The following SEMA3A variants were observed in gnomAD, a reference collection of about 807,000 sequenced individuals.
SEMA3A encodes semaphorin-3A.
SEMA3A carries 29 observed loss-of-function variants against 97.9 expected under a neutral mutation model. The ratio of observed to expected loss-of-function variants is 0.30; its 90% CI spans 0.22 to 0.40. The LOEUF (loss-of-function observed/expected upper bound fraction) is 0.40, where lower values mean the gene tolerates loss of function less well. SEMA3A is among the 10% of genes least tolerant of loss of function. The probability of loss-of-function intolerance (pLI) is 1.00; values close to 1 mark genes in which losing one functional copy is unlikely to be tolerated. For synonymous variants in SEMA3A, 321 were observed against 323.7 expected (o/e 0.99, Z 0.09); for missense variants, 763 against 951.3 (o/e 0.80, Z 2.60).
chr7:84,056,245 TTCTA>T (rs1792971161), intron 5 of SEMA3A, among the ~76,000 whole-genome samples: 1 of 152,208 alleles, frequency 6.6e-6, no homozygotes, highest in South Asian at 2.1e-4. Context: ...TGAACTGCAT[TTCTA>T]TTATGGCTTA....
chr7:84,331,789 C>A (rs60164110), intron 2 of SEMA3A, among the ~76,000 whole-genome samples: 1 of 151,886 alleles, frequency 6.6e-6, no homozygotes, highest in African/African-American at 2.4e-5. Context: ...AGTCTGTGTG[C>A]GTGCATGCGT....
chr7:84,293,874 GAAAAGATGT>G (rs1384344920), intron 3 of SEMA3A, among the ~76,000 whole-genome samples: 1 of 151,980 alleles, frequency 6.6e-6, no homozygotes, highest in East Asian at 1.9e-4. Flanking sequence ...TCACATAGAT[GAAAAGATGT>G]ATACTTATAT....
chr7:84,063,381 C>T (rs1429698553), intron 4 of SEMA3A, among the ~76,000 whole-genome samples: 18 of 151,196 alleles, frequency 1.2e-4, no homozygotes, highest in South Asian at 2.1e-4. Context: ...TCCAAAGGAA[C>T]GCAGTTCCTC....
chr7:84,341,132 T>C lies in SEMA3A; in HGVS notation c.-169+30692A>G, dbSNP rs146662614. Among the ~76,000 whole-genome samples the C allele has an allele frequency of 2.7e-3, 404 of 152,314 alleles. 1 individual carries two copies. The highest frequency in any genetic ancestry group is 4.4e-3 in the Non-Finnish European group (301 of 68,028). On this transcript the variant is annotated intron_variant, in intron 2 of 3. Transcript: ENST00000424555. ...TTTCAAGCATATCAGTGGAATAATT[T>C]AACAAGTAAAGTTTCTGCTACACTT... is the stretch of plus-strand genomic sequence containing the variant.
intron 5 of SEMA3A, among the ~76,000 whole-genome samples, chr7:84,056,314 T>C (rs1419846747): frequency 2.6e-5 from 4 of 152,220 alleles, no homozygotes; most frequent in Non-Finnish European, 5.9e-5. Flanking sequence ...CTAGACTTTC[T>C]GCTCAAAACT....
intron 12 of SEMA3A, among the ~76,000 whole-genome samples, chr7:83,991,529 AG>A (rs1460258426): frequency 5.3e-5 from 8 of 151,812 alleles, no homozygotes; most frequent in Admixed American, 2.6e-4. Flanking sequence ...TTTAGCATGA[AG>A]GGTTGTTGAA....
chr7:84,025,436 C>A (rs1791511715), intron 6 of SEMA3A, among the ~76,000 whole-genome samples: 1 of 152,104 alleles, frequency 6.6e-6, no homozygotes, highest in Admixed American at 6.6e-5. Context: ...ATCAATAGAC[C>A]ATGAATGGGA....
At chr7:84,432,533 T>C (rs1340931264) in intron 1 of SEMA3A, among the ~76,000 whole-genome samples, 1 of 152,120 alleles carries the variant, frequency 6.6e-6, no homozygotes, top group African/African-American at 2.4e-5. Context: ...ACCCTTCACA[T>C]CTCCCTCCCT....
In SEMA3A at chr7:84,129,054, A is replaced by G; in HGVS notation, c.333+69T>C. The G allele has an allele frequency of 2.5e-6, 3 of 1,217,176 alleles. 1 individual carries two copies. In the South Asian group the frequency reaches 3.7e-5, roughly 15 times the overall value. The allele number at this position is 1,217,176 out of a possible 1,614,324, so 75.4% of individuals were successfully genotyped here. A position where few individuals can be genotyped will look rare whatever the true frequency, so the allele number is the denominator to read the frequency against. ...CACAAAAAAATCAGAAATTTGAAACACTTTTGTCCCAAGCATTTTGAATGA... is the reference window on the plus strand; with the variant it reads ...CACAAAAAAATCAGAAATTTGAAACGCTTTTGTCCCAAGCATTTTGAATGA... On this transcript the variant is annotated intron_variant, in intron 3 of 16. Transcript: ENST00000265362.
At chr7:84,338,001 T>C (rs192259451) in intron 2 of SEMA3A, among the ~76,000 whole-genome samples, 1 of 152,174 alleles carries the variant, frequency 6.6e-6, no homozygotes, top group East Asian at 1.9e-4. Flanking sequence ...AAGCTTTATG[T>C]TATCCACAGT....
intron 3 of SEMA3A, among the ~76,000 whole-genome samples, chr7:84,206,529 A>T (rs1372662033): frequency 6.6e-6 from 1 of 151,998 alleles, no homozygotes; most frequent in Non-Finnish European, 1.5e-5. Flanking sequence ...TCAACATGTT[A>T]GCCAGGATGG....
chr7:84,188,882 A>C (rs1052967039), intron 1 of SEMA3A, among the ~76,000 whole-genome samples: 2 of 151,900 alleles, frequency 1.3e-5, no homozygotes, highest in Non-Finnish European at 2.9e-5. Context: ...CATTTTAAGT[A>C]ATTCTTCTGT....
intron 1 of SEMA3A, among the ~76,000 whole-genome samples, chr7:84,399,709 T>C (rs561955): frequency 0.32 from 48,554 of 152,068 alleles, 9,324 homozygotes; most frequent in African/African-American, 0.54. Flanking sequence ...TGGACCAAGT[T>C]TAGCAGGACT....
chr7:84,227,930 T>G (rs1178840473), intron 3 of SEMA3A, among the ~76,000 whole-genome samples: 1 of 149,800 alleles, frequency 6.7e-6, no homozygotes, highest in East Asian at 2.0e-4. Context: ...TGTCAGGGAG[T>G]GGGGGGCGGG....
chr7:84,263,043 A>G (rs1799897239), intron 3 of SEMA3A, among the ~76,000 whole-genome samples: 1 of 152,242 alleles, frequency 6.6e-6, no homozygotes, highest in Non-Finnish European at 1.5e-5. Flanking sequence ...GTCTTCTTAA[A>G]TGTGACATAA....
chr7:84,001,832 G>C (rs1410387985), intron 12 of SEMA3A, 123 bp downstream of exon 12: 2 of 477,580 alleles, frequency 4.2e-6, no homozygotes, highest in Non-Finnish European at 7.4e-6. Context: ...CTTTCTAATT[G>C]ACAAGCTAAT....
Position 84,465,161 on chromosome 7 carries a change from T to A in SEMA3A, c.-246+27299A>T, listed in dbSNP as rs530770792. The stretch of plus-strand genomic sequence containing the variant: ...GCAAATAACCTAAATTTTTCTAGTA[T>A]CAGTTTCATGTATATTAATTAGGAA... On this transcript the variant is annotated intron_variant, in intron 1 of 3. Transcript: ENST00000424555. Among the ~76,000 whole-genome samples the A allele has an allele frequency of 1.1e-4, 17 of 152,306 alleles. 1 individual carries two copies. The South Asian group carries it at 2.9e-3, about 26-fold the overall frequency.
chr7:84,386,085 A>G (rs776145569), intron 1 of SEMA3A, among the ~76,000 whole-genome samples: 3 of 152,212 alleles, frequency 2.0e-5, no homozygotes, highest in Non-Finnish European at 4.4e-5. Context: ...AGTCACTAAT[A>G]TCAGTTCTCT....
rs568863824 is a variant in SEMA3A, at chr7:84,406,605, G to T, written c.-245-34705C>A. On this transcript the variant is annotated intron_variant, in intron 1 of 3. Coordinates refer to the SEMA3A transcript ENST00000424555. ...GGCAGAGACACAACAAAAAAAAAGA[G>T]AATTTTAGACCAATATCCTTGATGA... 3.8e-3 allele frequency among the ~76,000 whole-genome samples: 578 copies of T among 152,044 alleles called. 6 individuals are homozygous for T. The highest frequency in any genetic ancestry group is 0.013 in the African/African-American group (534 of 41,476).
Sources: allele counts gnomAD v4.1 joint callset (sites outside exome capture counted in the v4.1 genomes callset), GRCh38; gene constraint gnomAD v4.1.1; transcripts MANE v1.5; gene names NCBI Gene and HGNC (gene_info 2026-07-23, HGNC 2026-07-21).